The following SLC35F1 variants were observed in gnomAD, a reference collection of about 807,000 sequenced individuals.
The protein encoded by SLC35F1 is chromosome 6 open reading frame 169.
Under a neutral mutation model 48.7 loss-of-function variants are expected in SLC35F1, and 14 were observed. That is an observed-to-expected ratio of 0.29 (90% confidence interval 0.19 to 0.45). SLC35F1 has a LOEUF of 0.45. SLC35F1 is among the 20% of genes least tolerant of loss of function. The pLI, the probability that SLC35F1 is intolerant of heterozygous loss-of-function variation, is 1.00. For synonymous variants in SLC35F1, 190 were observed against 202.2 expected (o/e 0.94, Z 0.51); for missense variants, 404 against 500.0 (o/e 0.81, Z 1.83).
intron 6 of SLC35F1, among the ~76,000 whole-genome samples, chr6:118,284,951 T>C (rs1776031630): frequency 6.6e-6 from 1 of 152,136 alleles, no homozygotes; most frequent in Non-Finnish European, 1.5e-5. Flanking sequence ...AGAAGCAAAA[T>C]GTCAGCAATG....
At chr6:117,982,655 C>A (rs4113074) in intron 1 of SLC35F1, among the ~76,000 whole-genome samples, 151,419 of 152,290 alleles carry the variant, frequency 0.99, 75,281 homozygotes, top group Middle Eastern at 1. Context: ...CTCCACTCTG[C>A]TTGGAAAGTG....
At chr6:118,240,211 T>C (rs1775419530) in intron 3 of SLC35F1, among the ~76,000 whole-genome samples, 1 of 152,196 alleles carries the variant, frequency 6.6e-6, no homozygotes. Context: ...TTAATGATAG[T>C]AACACCAAGT....
In SLC35F1 at chr6:118,317,215, C is replaced by T. The variant is rs867659683; in HGVS notation, c.*2963C>T. 2.6e-5 allele frequency: 4 copies of T among 152,400 alleles called. No individual in the cohort carries two copies. The highest frequency in any genetic ancestry group is 2.9e-5 in the Non-Finnish European group (2 of 68,052). The allele number at this position is 152,400 out of a possible 1,614,324, so 9.4% of individuals were successfully genotyped here. A position where few individuals can be genotyped will look rare whatever the true frequency, so the allele number is the denominator to read the frequency against. On this transcript the variant is annotated 3_prime_UTR_variant, in exon 8 of 8. Coordinates refer to ENST00000360388, the MANE Select transcript of SLC35F1 (RefSeq NM_001029858.4). ...CTCACTTCCTCAATGAAAACTTGCA[C>T]TGGGGACAGCGCTTGCCTTGGTCAG... is the stretch of plus-strand genomic sequence containing the variant.
chr6:117,943,372 G>A (rs992666331), intron 1 of SLC35F1, among the ~76,000 whole-genome samples: 7 of 152,120 alleles, frequency 4.6e-5, no homozygotes, highest in Non-Finnish European at 1.0e-4. Flanking sequence ...CATCTCCTTT[G>A]CATGAGCAAA....
chr6:117,949,956 C>T (rs182848066), intron 1 of SLC35F1, among the ~76,000 whole-genome samples: 16 of 152,256 alleles, frequency 1.1e-4, no homozygotes, highest in Non-Finnish European at 4.4e-5. Flanking sequence ...AATCGTCCCC[C>T]ACCCACTCTG....
intron 1 of SLC35F1, among the ~76,000 whole-genome samples, chr6:118,067,254 G>C (rs1772629290): frequency 6.6e-6 from 1 of 152,020 alleles, no homozygotes; most frequent in Non-Finnish European, 1.5e-5. Context: ...AAGTTGGGGA[G>C]GATATATTAA....
At chr6:118,109,769 GC>G (rs1414276776) in intron 1 of SLC35F1, among the ~76,000 whole-genome samples, 1 of 152,118 alleles carries the variant, frequency 6.6e-6, no homozygotes, top group Admixed American at 6.6e-5. Context: ...CAGGAGCTGG[GC>G]TCTCTAAGGC....
At chr6:118,121,686 G>A (rs2114402844) in intron 1 of SLC35F1, among the ~76,000 whole-genome samples, 1 of 152,220 alleles carries the variant, frequency 6.6e-6, no homozygotes, top group Non-Finnish European at 1.5e-5. Context: ...CCCCACTCAA[G>A]GGAATCAAAT....
At chr6:117,962,630 G>C (rs1463718715) in intron 1 of SLC35F1, among the ~76,000 whole-genome samples, 1 of 152,086 alleles carries the variant, frequency 6.6e-6, no homozygotes, top group Non-Finnish European at 1.5e-5. Flanking sequence ...GGGAAGATGT[G>C]AACGCCCACC....
At chr6:118,014,288 C>G (rs544114891) in intron 1 of SLC35F1, among the ~76,000 whole-genome samples, 1 of 152,234 alleles carries the variant, frequency 6.6e-6, no homozygotes, top group East Asian at 1.9e-4. Context: ...TGTAGGCTCT[C>G]AAGATTCAGG....
At chr6:117,999,234 A>T in intron 1 of SLC35F1, 1 of 1,596,452 alleles carries the variant, frequency 6.3e-7, no homozygotes, top group African/African-American at 1.3e-5. Flanking sequence ...AAGATCCCAA[A>T]GGGAGTCAGC....
At chr6:118,272,525 T>G (rs974575916) in intron 4 of SLC35F1, among the ~76,000 whole-genome samples, 1 of 152,140 alleles carries the variant, frequency 6.6e-6, no homozygotes, top group African/African-American at 2.4e-5. Context: ...ATAAACTATG[T>G]TAATATTTTA....
intron 3 of SLC35F1, among the ~76,000 whole-genome samples, chr6:118,257,150 G>C (rs1775655876): frequency 6.6e-6 from 1 of 151,644 alleles, no homozygotes; most frequent in African/African-American, 2.4e-5. Context: ...TGAGATGATG[G>C]GAAAAAACTG....
chr6:118,296,449 G>A (rs1268984658), intron 7 of SLC35F1, among the ~76,000 whole-genome samples: 1 of 152,174 alleles, frequency 6.6e-6, no homozygotes. Flanking sequence ...GGGAGGCTGG[G>A]AAATGTGGTC....
chr6:118,244,813 C>A (rs1775486344), intron 3 of SLC35F1, among the ~76,000 whole-genome samples: 1 of 152,210 alleles, frequency 6.6e-6, no homozygotes, highest in Non-Finnish European at 1.5e-5. Flanking sequence ...AATGCAGAAA[C>A]AATTCATCTT....
chr6:118,098,934 T>C (rs1296800615), intron 1 of SLC35F1, among the ~76,000 whole-genome samples: 2 of 152,322 alleles, frequency 1.3e-5, no homozygotes, highest in East Asian at 3.9e-4. Context: ...TTCTCACCAC[T>C]GTGTTTGGCC....
At chr6:118,295,379 G>A (rs979332112) in intron 7 of SLC35F1, among the ~76,000 whole-genome samples, 9 of 152,296 alleles carry the variant, frequency 5.9e-5, no homozygotes, top group Non-Finnish European at 1.0e-4. Context: ...GCAGATTAAT[G>A]CAAAGGATAA....
chr6:118,293,081 T>C (rs191680002), intron 7 of SLC35F1, among the ~76,000 whole-genome samples: 4 of 152,286 alleles, frequency 2.6e-5, no homozygotes, highest in African/African-American at 9.6e-5. Context: ...GTGCTGGCTT[T>C]TCAAGGTCAG....
At chr6:118,303,939 A>C (rs1199428182) in intron 7 of SLC35F1, among the ~76,000 whole-genome samples, 1 of 152,224 alleles carries the variant, frequency 6.6e-6, no homozygotes, top group Non-Finnish European at 1.5e-5. Flanking sequence ...AGTCCATAGC[A>C]TCAAGGATAA....
Sources: allele counts gnomAD v4.1 joint callset (sites outside exome capture counted in the v4.1 genomes callset), GRCh38; gene constraint gnomAD v4.1.1; transcripts MANE v1.5; gene names NCBI Gene and HGNC (gene_info 2026-07-23, HGNC 2026-07-21).